NSMCE2: variants seen among roughly 807,000 people sequenced by gnomAD.
NSMCE2 encodes E3 SUMO-protein ligase NSE2.
Under a neutral mutation model 23.8 loss-of-function variants are expected in NSMCE2, and 24 were observed. The ratio of observed to expected loss-of-function variants is 1.01; its 90% CI spans 0.73 to 1.42. The LOEUF (loss-of-function observed/expected upper bound fraction) is 1.42. Ranked by LOEUF, NSMCE2 falls within the 40% of genes most tolerant of loss-of-function variation. NSMCE2 has a pLI of 0.00. For missense variants in NSMCE2, 284 were observed against 296.5 expected, an observed-to-expected ratio of 0.96 and a Z score of 0.31; for synonymous variants, 92 against 94.1, an observed-to-expected ratio of 0.98 and a Z score of 0.13.
At chr8:125,322,557 A>C (rs1459069979) in intron 5 of NSMCE2, among the ~76,000 whole-genome samples, 1 of 152,222 alleles carries the variant, frequency 6.6e-6, no homozygotes, top group Non-Finnish European at 1.5e-5. Context: ...TCCCCTAAGG[A>C]AACTAGCAAG....
At chr8:125,117,639 C>G (rs1040578853) in intron 3 of NSMCE2, among the ~76,000 whole-genome samples, 1 of 152,078 alleles carries the variant, frequency 6.6e-6, no homozygotes, top group Non-Finnish European at 1.5e-5. Flanking sequence ...CTCAGCCTCC[C>G]AAAGTAGCTG....
chr8:125,151,975 T>C (rs539836235), intron 4 of NSMCE2, among the ~76,000 whole-genome samples: 10 of 152,320 alleles, frequency 6.6e-5, no homozygotes, highest in African/African-American at 2.2e-4. Flanking sequence ...GTATTTCTGG[T>C]TTCGTTATTT....
At chr8:125,142,351 T>A (rs778347405) in intron 3 of NSMCE2, among the ~76,000 whole-genome samples, 38 of 152,176 alleles carry the variant, frequency 2.5e-4, no homozygotes, top group Non-Finnish European at 5.0e-4. Context: ...TCATAAAGCC[T>A]AGATTTGAAT....
chr8:125,213,707 C>CCCTTCCTTCCTTCCTTCCTTATTT (rs376943652), intron 5 of NSMCE2, among the ~76,000 whole-genome samples: 130 of 123,424 alleles, frequency 1.1e-3, no homozygotes, highest in African/African-American at 4.4e-3. Context: ...TTCCCTCCCT[C>CCCTTCCTTCCTTCCTTCCTTATTT]CCTTCCTTCC....
At chr8:125,318,284 C>T (rs1563781271) in intron 5 of NSMCE2, among the ~76,000 whole-genome samples, 1 of 152,030 alleles carries the variant, frequency 6.6e-6, no homozygotes. Context: ...TGCCTGTAGT[C>T]CCAGCTACTT....
chr8:125,347,814 G>A (rs10094940), intron 5 of NSMCE2, among the ~76,000 whole-genome samples: 4,406 of 152,258 alleles, frequency 0.029, 198 homozygotes, highest in African/African-American at 0.1. Flanking sequence ...GCTTCACCAC[G>A]TACATAGAAT....
intron 5 of NSMCE2, among the ~76,000 whole-genome samples, chr8:125,316,960 T>G (rs899575457): frequency 2.1e-5 from 3 of 145,190 alleles, no homozygotes; most frequent in Non-Finnish European, 4.5e-5. Flanking sequence ...TGGTTTTTCG[T>G]TTTTTTTTTA....
At chr8:125,357,143 A>T (rs1813315049) in intron 5 of NSMCE2, 76 bp from the exon 6 acceptor site, 1 of 947,608 alleles carries the variant, frequency 1.1e-6, no homozygotes, top group Non-Finnish European at 1.7e-6. Context: ...GAAACTCTTC[A>T]CCTCCCTTCC....
At chr8:125,105,016 C>G (rs551802803) in intron 3 of NSMCE2, among the ~76,000 whole-genome samples, 124 of 152,274 alleles carry the variant, frequency 8.1e-4, no homozygotes, top group African/African-American at 3.0e-3. Flanking sequence ...GAGTGAGACT[C>G]TGTCTCAAAA....
intron 3 of NSMCE2, among the ~76,000 whole-genome samples, chr8:125,118,602 G>A (rs1310245939): frequency 1.3e-5 from 2 of 152,180 alleles, no homozygotes; most frequent in Admixed American, 6.5e-5. Context: ...TTTTTGAACA[G>A]TGCTTATTGC....
intron 5 of NSMCE2, among the ~76,000 whole-genome samples, chr8:125,272,678 A>G (rs1002822329): frequency 3.2e-5 from 4 of 126,596 alleles, no homozygotes; most frequent in African/African-American, 1.2e-4. Context: ...TATTATGTAT[A>G]TATATATCCC....
chr8:125,357,199 A>T lies in NSMCE2; in HGVS notation c.419-20A>T, dbSNP rs765399877. 4.7e-6 allele frequency: 7 copies of T among 1,481,328 alleles called. No individual in the cohort carries two copies. Among genetic ancestry groups the T allele is most frequent in the Non-Finnish European group, 6.6e-6 (7 of 1,059,364 alleles). 91.8% of individuals were successfully genotyped at this position (1,481,328 alleles called of 1,614,324 possible). A position where few individuals can be genotyped will look rare whatever the true frequency, so the allele number is the denominator to read the frequency against. ...TGACGTTAGACCAGAGAGGCTTATC[A>T]ACTCTCCATTTTCCTCTAGGTGGTC... On this transcript the variant is annotated intron_variant, in intron 5 of 7. Coordinates refer to ENST00000287437, the MANE Select transcript of NSMCE2 (RefSeq NM_173685.4).
intron 5 of NSMCE2, among the ~76,000 whole-genome samples, chr8:125,250,361 A>G (rs1223376493): frequency 6.6e-6 from 1 of 152,182 alleles, no homozygotes; most frequent in East Asian, 1.9e-4. Context: ...TCATCCACCC[A>G]GATTTTTCTA....
chr8:125,124,470 T>TTCTCTCTCTCTCTCTCTCTCTC (rs376240525), intron 3 of NSMCE2, among the ~76,000 whole-genome samples: 3 of 146,234 alleles, frequency 2.1e-5, no homozygotes, highest in African/African-American at 7.5e-5. Flanking sequence ...TCCTCAGGAT[T>TTCTCTCTCTCTCTCTCTCTCTC]TCTCTCTCTC....
chr8:125,295,903 C>T (rs960627840), intron 5 of NSMCE2, among the ~76,000 whole-genome samples: 3 of 152,142 alleles, frequency 2.0e-5, no homozygotes, highest in East Asian at 3.9e-4. Flanking sequence ...CAATAATAAC[C>T]GTTGCCCCTA....
At chr8:125,121,103 T>A (rs1315455764) in intron 3 of NSMCE2, among the ~76,000 whole-genome samples, 1 of 152,194 alleles carries the variant, frequency 6.6e-6, no homozygotes, top group Non-Finnish European at 1.5e-5. Flanking sequence ...ACTATTATAG[T>A]AGAGCCAGGA....
At chr8:125,169,910 A>G (rs1318478566) in intron 4 of NSMCE2, among the ~76,000 whole-genome samples, 1 of 150,012 alleles carries the variant, frequency 6.7e-6, no homozygotes, top group East Asian at 1.9e-4. Flanking sequence ...CTTAGCACAC[A>G]CTATCTACTG....
intron 5 of NSMCE2, among the ~76,000 whole-genome samples, chr8:125,330,681 C>T (rs6989383): frequency 0.44 from 66,915 of 151,978 alleles, 17,017 homozygotes; most frequent in East Asian, 0.55. Context: ...CTCGAATGTA[C>T]GCTAGGTACT....
chr8:125,096,295 A>G lies in NSMCE2; in HGVS notation c.-111+4337A>G, dbSNP rs973510014. ...AATGTGGAGCATATATAGGCATGTA[A>G]CCGGGTTGAAGAGGAAATGGTTTTG... On this transcript the variant is annotated intron_variant, in intron 1 of 7. Transcript: ENST00000287437. 2.0e-5 allele frequency among the ~76,000 whole-genome samples: 3 copies of G among 152,198 alleles called. No individual in the cohort carries two copies. In the South Asian group the frequency reaches 6.2e-4, roughly 32 times the overall value.
Sources: allele counts gnomAD v4.1 joint callset (sites outside exome capture counted in the v4.1 genomes callset), GRCh38; gene constraint gnomAD v4.1.1; transcripts MANE v1.5; gene names NCBI Gene and HGNC (gene_info 2026-07-23, HGNC 2026-07-21).